Variants in PLXDC1 observed in about 807,000 individuals in gnomAD.
PLXDC1 encodes plexin domain-containing protein 1.
In PLXDC1, 39 loss-of-function variants were observed where a neutral mutation model predicts 61.3. The observed-to-expected ratio is 0.64, with a 90% CI of 0.49 to 0.83. PLXDC1 has a LOEUF of 0.83. PLXDC1 is among the 40% of genes least tolerant of loss of function. The pLI, the probability that PLXDC1 is intolerant of heterozygous loss-of-function variation, is 0.00. For synonymous variants in PLXDC1, 212 were observed against 254.5 expected (o/e 0.83, Z 1.59); for missense variants, 596 against 666.5 (o/e 0.89, Z 1.17).
chr17:39,079,199 G>A, intron 9 of PLXDC1, 35 bp from the exon 10 acceptor site: 2 of 1,575,528 alleles, frequency 1.3e-6, no homozygotes, highest in Non-Finnish European at 1.7e-6. Flanking sequence ...GTTATGATGG[G>A]ATTGACAAAG....
At chr17:39,091,980 A>C (rs925698246) in intron 7 of PLXDC1, among the ~76,000 whole-genome samples, 15 of 143,168 alleles carry the variant, frequency 1.0e-4, no homozygotes, top group Non-Finnish European at 1.9e-4. Context: ...AAAAAAAAAA[A>C]AATCAAGTTG....
chr17:39,079,872 G>C (rs771173320), intron 9 of PLXDC1: 4 of 270,404 alleles, frequency 1.5e-5, no homozygotes, highest in Non-Finnish European at 2.9e-5. Flanking sequence ...TGAACCACCA[G>C]TGCCAAGAAG....
At chr17:39,131,029 T>C (rs1427602727) in intron 2 of PLXDC1, among the ~76,000 whole-genome samples, 1 of 152,124 alleles carries the variant, frequency 6.6e-6, no homozygotes, top group Non-Finnish European at 1.5e-5. Context: ...GGAGCAGTGT[T>C]GTGACCCGAA....
Position 39,069,892 on chromosome 17 carries a change from G to A in PLXDC1, c.1347C>T (p.Gly449=). The part of the protein sequence containing the change: ...AIILAGIYIN[G]HPTSNAALFF... Reference sequence around the variant, plus strand: ...AGAGCGCAGCATTGGATGTGGGGTGGCCATTGATGTAAATTCCAGCCAGGA... The same window carrying A: ...AGAGCGCAGCATTGGATGTGGGGTGACCATTGATGTAAATTCCAGCCAGGA... Residue 449 remains glycine (G), a synonymous_variant, in exon 13 of 14, where the codon GGC becomes GGT. Transcript: ENST00000315392. 1 of 1,613,854 alleles carries A rather than the reference G, an allele frequency of 6.2e-7. No individual in the cohort carries two copies. The highest frequency in any genetic ancestry group is 8.5e-7 in the Non-Finnish European group (1 of 1,179,774).
chr17:39,090,667 G>A (rs938975597), intron 7 of PLXDC1, among the ~76,000 whole-genome samples: 11 of 152,138 alleles, frequency 7.2e-5, no homozygotes, highest in Admixed American at 2.0e-4. Context: ...GACACTCAAC[G>A]CACAAGGACC....
intron 7 of PLXDC1, among the ~76,000 whole-genome samples, chr17:39,100,459 T>C (rs765172531): frequency 2.6e-5 from 4 of 152,160 alleles, no homozygotes; most frequent in Non-Finnish European, 5.9e-5. Flanking sequence ...TTTCGACATA[T>C]TGGCCAGGCT....
rs552425208 is a variant in PLXDC1 at position 39,146,681 on chromosome 17, T to G, written c.76+4681A>C. 4.6e-5 allele frequency among the ~76,000 whole-genome samples: 7 copies of G among 150,784 alleles called. No individual in the cohort carries two copies. The East Asian group carries it at 1.0e-3, about 22-fold the overall frequency. ...AAAAAAGGTATTATAAAATTTAATTTATTATTAATAATAAATTTTAAAAAA... is the reference window on the plus strand; with the variant it reads ...AAAAAAGGTATTATAAAATTTAATTGATTATTAATAATAAATTTTAAAAAA... On this transcript the variant is annotated intron_variant, in intron 1 of 13. Transcript: ENST00000315392.
chr17:39,123,687 G>A (rs868594839), intron 2 of PLXDC1, among the ~76,000 whole-genome samples: 6 of 152,146 alleles, frequency 3.9e-5, no homozygotes, highest in South Asian at 2.1e-4. Context: ...CATCTGAAAC[G>A]TCAGCAGTTA....
intron 2 of PLXDC1, among the ~76,000 whole-genome samples, chr17:39,113,407 G>A (rs1910872799): frequency 6.6e-6 from 1 of 152,220 alleles, no homozygotes; most frequent in South Asian, 2.1e-4. Context: ...GTGTGTTACT[G>A]TGGCCCAGTT....
At chr17:39,149,027 C>T (rs972037929) in intron 1 of PLXDC1, among the ~76,000 whole-genome samples, 2 of 152,154 alleles carry the variant, frequency 1.3e-5, no homozygotes, top group South Asian at 2.1e-4. Flanking sequence ...CTGGTTCCAT[C>T]TGACCAGACT....
At chr17:39,124,154 A>G (rs1294197406) in intron 2 of PLXDC1, among the ~76,000 whole-genome samples, 1 of 152,208 alleles carries the variant, frequency 6.6e-6, no homozygotes, top group Non-Finnish European at 1.5e-5. Context: ...TATTGGGCCC[A>G]ACCCCAAGCC....
At chr17:39,072,592 G>T in intron 11 of PLXDC1, 107 bp from the exon 12 acceptor site, 1 of 766,402 alleles carries the variant, frequency 1.3e-6, no homozygotes. Flanking sequence ...CATTTTAGAG[G>T]TAAGGAAACT....
intron 1 of PLXDC1, among the ~76,000 whole-genome samples, chr17:39,147,469 ACAGGAC>A (rs2045349706): frequency 6.6e-6 from 1 of 152,160 alleles, no homozygotes; most frequent in Admixed American, 6.5e-5. Flanking sequence ...AGTTAGGGTC[ACAGGAC>A]CAGCTTTCAG....
At chr17:39,086,937 G>A (rs1220797318) in intron 8 of PLXDC1, among the ~76,000 whole-genome samples, 2 of 151,908 alleles carry the variant, frequency 1.3e-5, no homozygotes, top group Non-Finnish European at 2.9e-5. Context: ...GCTTCAGCAG[G>A]AAGCTGGGGG....
rs1367995581 is a variant in PLXDC1, at chr17:39,134,022, T to C, written c.255+5632A>G. On this transcript the variant is annotated intron_variant, in intron 2 of 13. Coordinates refer to ENST00000315392, the MANE Select transcript of PLXDC1 (RefSeq NM_020405.5). ...CCTGTAATCCCAGCACTTTGGGAGG[T>C]CAAGGTGGGTGGATCACGAGGTCAG... is the stretch of plus-strand genomic sequence containing the variant. Among the ~76,000 whole-genome samples, 11 of 147,074 alleles carry C rather than the reference T, an allele frequency of 7.5e-5. No individual in the cohort carries two copies. In the East Asian group the frequency reaches 2.3e-3, roughly 30 times the overall value.
Position 39,110,954 on chromosome 17 carries a change from C to T in PLXDC1, c.256-1563G>A, listed in dbSNP as rs60070613. 5.1e-3 allele frequency among the ~76,000 whole-genome samples: 772 copies of T among 152,278 alleles called. 6 individuals carry two copies. Among genetic ancestry groups the T allele is most frequent in the African/African-American group, 0.018 (742 of 41,552 alleles). Reference sequence around the variant, plus strand: ...CCCATGCCTCCACCCATCCTCAGCACGGCAGTCAAACCAATCAAAAACACC... The same window carrying T: ...CCCATGCCTCCACCCATCCTCAGCATGGCAGTCAAACCAATCAAAAACACC... On this transcript the variant is annotated intron_variant, in intron 2 of 13. Coordinates refer to ENST00000315392, the MANE Select transcript of PLXDC1 (RefSeq NM_020405.5).
At chr17:39,107,279 A>G (rs1910628575) in intron 6 of PLXDC1, 128 bp downstream of exon 6, 5 of 632,910 alleles carry the variant, frequency 7.9e-6, no homozygotes. Context: ...TAGGACCCGC[A>G]AACATCTTGT....
intron 2 of PLXDC1, 33 bp downstream of exon 2, chr17:39,139,621 T>G: frequency 9.1e-5 from 86 of 941,312 alleles, no homozygotes; most frequent in Non-Finnish European, 1.1e-4. Flanking sequence ...CCACCCCCAC[T>G]TCGCTCCCCC....
At chr17:39,095,104 T>C (rs1180342704) in intron 7 of PLXDC1, among the ~76,000 whole-genome samples, 1 of 152,072 alleles carries the variant, frequency 6.6e-6, no homozygotes, top group Non-Finnish European at 1.5e-5. Flanking sequence ...AGGGATGGGT[T>C]TCCCCACCAT....
Sources: gnomAD v4.1 joint callset for allele counts (sites outside exome capture counted in the v4.1 genomes callset) on GRCh38, gnomAD v4.1.1 for gene constraint, MANE v1.5 for transcripts, NCBI Gene and HGNC (gene_info 2026-07-23, HGNC 2026-07-21) for gene names.